Variants in ANKS1B observed in about 807,000 individuals in gnomAD.
ANKS1B encodes the protein ankyrin repeat and sterile alpha motif domain containing 1B.
ANKS1B carries 36 observed loss-of-function variants against 148.3 expected under a neutral mutation model. The observed-to-expected ratio is 0.24, with a 90% CI of 0.19 to 0.32. The LOEUF is 0.32. ANKS1B is among the 10% of genes least tolerant of loss of function. The probability of loss-of-function intolerance (pLI) is 1.00; values close to 1 mark genes in which losing one functional copy is unlikely to be tolerated. For synonymous variants in ANKS1B, 542 were observed against 560.8 expected, an observed-to-expected ratio of 0.97 and a Z score of 0.47; for missense variants, 1,157 against 1,542.6, an observed-to-expected ratio of 0.75 and a Z score of 4.19.
intron 9 of ANKS1B, among the ~76,000 whole-genome samples, chr12:99,652,810 G>C (rs1222701898): frequency 6.6e-6 from 1 of 151,988 alleles, no homozygotes; most frequent in Admixed American, 6.6e-5. Context: ...ATAAAAACGA[G>C]AGGAATATGA....
intron 8 of ANKS1B, among the ~76,000 whole-genome samples, chr12:99,701,372 C>T (rs1429120337): frequency 1.3e-5 from 2 of 151,978 alleles, no homozygotes; most frequent in Admixed American, 6.6e-5. Context: ...GCTGCTGCTG[C>T]TTTTTTTAAA....
At chr12:99,780,111 A>T in intron 5 of ANKS1B, 139 bp from the exon 6 acceptor site, 1 of 622,946 alleles carries the variant, frequency 1.6e-6, no homozygotes, top group Non-Finnish European at 2.8e-6. Context: ...AGTTCTACAC[A>T]CACACATACA....
At chr12:99,269,325 A>G (rs889185612) in intron 12 of ANKS1B, among the ~76,000 whole-genome samples, 4 of 152,224 alleles carry the variant, frequency 2.6e-5, no homozygotes, top group East Asian at 1.9e-4. Context: ...GTTTACACAT[A>G]AAAGACAAGC....
At chr12:98,763,630 T>G (rs2098441506) in intron 25 of ANKS1B, among the ~76,000 whole-genome samples, 1 of 152,250 alleles carries the variant, frequency 6.6e-6, no homozygotes, top group Non-Finnish European at 1.5e-5. Context: ...GCTAACATCT[T>G]GGTGCATTTT....
At chr12:99,037,459 A>G (rs1324772589) in intron 17 of ANKS1B, among the ~76,000 whole-genome samples, 1 of 151,864 alleles carries the variant, frequency 6.6e-6, no homozygotes, top group Non-Finnish European at 1.5e-5. Flanking sequence ...GAGCCGAGAT[A>G]GCGCTGCTGC....
intron 6 of ANKS1B, among the ~76,000 whole-genome samples, chr12:99,778,790 T>G (rs994464370): frequency 6.6e-6 from 1 of 152,198 alleles, no homozygotes; most frequent in African/African-American, 2.4e-5. Context: ...GAGAGCATAA[T>G]GGCCACATAT....
chr12:99,564,460 T>C (rs898559249), intron 9 of ANKS1B, among the ~76,000 whole-genome samples: 5 of 151,916 alleles, frequency 3.3e-5, no homozygotes, highest in African/African-American at 1.2e-4. Context: ...AAATTAATAA[T>C]ATATGTACAT....
intron 15 of ANKS1B, among the ~76,000 whole-genome samples, chr12:99,098,850 A>G (rs185050636): frequency 6.7e-5 from 10 of 150,236 alleles, no homozygotes; most frequent in African/African-American, 2.2e-4. Flanking sequence ...CCCATACTCT[A>G]CAGGCCCTGC....
chr12:99,981,352 C>T (rs1371926352), intron 1 of ANKS1B, among the ~76,000 whole-genome samples: 2 of 152,002 alleles, frequency 1.3e-5, no homozygotes, highest in Non-Finnish European at 2.9e-5. Context: ...CCTGATTCCC[C>T]ATTACATAGT....
At chr12:99,983,955 T>C in intron 1 of ANKS1B, 149 bp downstream of exon 1, 2 of 656,394 alleles carry the variant, frequency 3.0e-6, no homozygotes, top group South Asian at 2.5e-5. Flanking sequence ...GGCTCATACC[T>C]CCTCTCCATA....
At chr12:99,499,534 C>T (rs2096635857) in intron 10 of ANKS1B, among the ~76,000 whole-genome samples, 1 of 152,118 alleles carries the variant, frequency 6.6e-6, no homozygotes, top group Non-Finnish European at 1.5e-5. Flanking sequence ...ATTAAATTCC[C>T]TCCACTTAAA....
At chr12:98,865,997 T>C (rs115293293) in intron 17 of ANKS1B, among the ~76,000 whole-genome samples, 3,032 of 152,226 alleles carry the variant, frequency 0.02, 107 homozygotes, top group African/African-American at 0.068. Flanking sequence ...GTGCAAGTGT[T>C]AGAAAAGTTG....
At chr12:99,635,771 T>A (rs552028023) in intron 9 of ANKS1B, among the ~76,000 whole-genome samples, 164 of 152,094 alleles carry the variant, frequency 1.1e-3, no homozygotes, top group African/African-American at 3.9e-3. Flanking sequence ...ATCTTCACAA[T>A]TTTTTTTAAA....
At chr12:99,169,311 T>G (rs1280600049) in intron 14 of ANKS1B, among the ~76,000 whole-genome samples, 2 of 152,186 alleles carry the variant, frequency 1.3e-5, no homozygotes, top group Non-Finnish European at 1.5e-5. Context: ...TAGGTGTTAC[T>G]TGGTAAAACT....
intron 2 of ANKS1B, 62 bp downstream of exon 2, chr12:99,825,247 A>T (rs553563215): frequency 7.0e-5 from 97 of 1,383,564 alleles, no homozygotes; most frequent in Non-Finnish European, 8.6e-5. Flanking sequence ...TCGTCAAGAC[A>T]TAATTAACTT....
At chr12:99,008,832 T>A (rs1471195947) in intron 17 of ANKS1B, among the ~76,000 whole-genome samples, 1 of 152,164 alleles carries the variant, frequency 6.6e-6, no homozygotes, top group Non-Finnish European at 1.5e-5. Flanking sequence ...GTGTTCATCA[T>A]TGAAGAAGGG....
At chr12:99,202,662 T>C (rs1433718447) in intron 14 of ANKS1B, among the ~76,000 whole-genome samples, 2 of 152,234 alleles carry the variant, frequency 1.3e-5, no homozygotes, top group Admixed American at 6.5e-5. Context: ...TCTATAGTAT[T>C]GATATAACAT....
chr12:99,272,740 T>C (rs2077185863), intron 12 of ANKS1B, among the ~76,000 whole-genome samples: 1 of 152,246 alleles, frequency 6.6e-6, no homozygotes, highest in South Asian at 2.1e-4. Context: ...ATAATCATTT[T>C]TAAGGATAAA....
chr12:99,074,970 A>G (rs1015356561), intron 16 of ANKS1B, among the ~76,000 whole-genome samples: 1 of 152,200 alleles, frequency 6.6e-6, no homozygotes, highest in Non-Finnish European at 1.5e-5. Context: ...ATGGGAACAC[A>G]GAAGGGTTAA....
Sources: allele counts gnomAD v4.1 joint callset (sites outside exome capture counted in the v4.1 genomes callset), GRCh38; gene constraint gnomAD v4.1.1; transcripts MANE v1.5; gene names NCBI Gene and HGNC (gene_info 2026-07-23, HGNC 2026-07-21).